Variants in COL4A2 observed in about 807,000 individuals in gnomAD.
The protein encoded by COL4A2 is collagen alpha-2(IV) chain.
A neutral mutation model predicts 200.2 loss-of-function variants in COL4A2; 99 were observed. The ratio of observed to expected loss-of-function variants is 0.49; its 90% confidence interval spans 0.42 to 0.58. The LOEUF (loss-of-function observed/expected upper bound fraction) is 0.58. COL4A2 is among the 20% of genes least tolerant of loss of function. COL4A2 has a pLI of 0.00. For synonymous variants in COL4A2, 897 were observed against 900.6 expected (o/e 1.00, Z 0.07); for missense variants, 1,950 against 2,314.1 (o/e 0.84, Z 3.23).
chr13:110,436,363 A>G lies in COL4A2; in HGVS notation c.821A>G (p.Tyr274Cys). The change falls in exon 13 of 48, where the codon TAC becomes TGC. Residue 274 changes from tyrosine to cysteine, a missense_variant. This residue lies in a region of COL4A2 where 565 missense variants were observed against 593.5 expected (regional missense o/e 0.95). Coordinates refer to ENST00000360467, the MANE Select transcript of COL4A2 (RefSeq NM_001846.4). ...GGAGTCACCTTCCACCCAGATCAGT[A>G]CAAGGTAAAGAGCAAAATTGACTCT... is the stretch of plus-strand genomic sequence containing the variant. ...PTGVTFHPDQ[Y>C]KGEKGSEGEP... 6.2e-7 allele frequency: 1 copy of G among 1,613,080 alleles called. No individual in the cohort carries two copies. The highest frequency in any genetic ancestry group is 2.2e-5 in the East Asian group (1 of 44,872).
chr13:110,437,894 G>T, intron 13 of COL4A2, 108 bp from the exon 14 acceptor site: 1 of 893,756 alleles, frequency 1.1e-6, no homozygotes, highest in Non-Finnish European at 1.9e-6. Flanking sequence ...TGATGATTGT[G>T]TGAGGATTGA....
intron 4 of COL4A2, among the ~76,000 whole-genome samples, chr13:110,410,896 G>T (rs1004658175): frequency 6.6e-6 from 1 of 152,260 alleles, no homozygotes; most frequent in East Asian, 1.9e-4. Context: ...CTTCTTGACT[G>T]CACGGGGCTC....
At chr13:110,340,024 G>A (rs983686860) in intron 3 of COL4A2, among the ~76,000 whole-genome samples, 4 of 152,234 alleles carry the variant, frequency 2.6e-5, no homozygotes, top group South Asian at 2.1e-4. Context: ...CTTGAGGGTG[G>A]GTGACAGGTA....
chr13:110,423,562 A>G (rs1880343279), intron 4 of COL4A2, among the ~76,000 whole-genome samples: 2 of 152,176 alleles, frequency 1.3e-5, no homozygotes, highest in Admixed American at 6.5e-5. Flanking sequence ...AAATAAATGC[A>G]TAACATCGAA....
rs1883976328 is a variant in COL4A2, at chr13:110,508,833, G to A, written c.4881+612G>A. Among the ~76,000 whole-genome samples the A allele has an allele frequency of 1.3e-5, 2 of 152,126 alleles. No individual in the cohort carries two copies. The highest frequency in any genetic ancestry group is 4.1e-4 in the South Asian group (2 of 4,824). On this transcript the variant is annotated intron_variant, in intron 47 of 47. Coordinates refer to ENST00000360467, the MANE Select transcript of COL4A2 (RefSeq NM_001846.4). This position sits in a 1 kb window ranked among gnomAD's most constrained non-coding sequence, Gnocchi z 6.1. ...GAACCCTCAGCTTTGGCCAGATTAG[G>A]TTTAGCTTAACCTCCAGGGGAGAGA...
chr13:110,421,620 A>G (rs986357934), intron 4 of COL4A2, among the ~76,000 whole-genome samples: 24 of 152,178 alleles, frequency 1.6e-4, no homozygotes, highest in African/African-American at 5.8e-4. Context: ...GGGTGAGGAA[A>G]ATGTTTGGGA....
intron 4 of COL4A2, among the ~76,000 whole-genome samples, chr13:110,397,942 G>A (rs1879237003): frequency 2.0e-5 from 3 of 152,210 alleles, no homozygotes. Context: ...TGCTTTAAGA[G>A]CAGCTGTATC....
chr13:110,456,887 TG>T (rs1156545478), intron 20 of COL4A2: 8 of 471,366 alleles, frequency 1.7e-5, no homozygotes, highest in Non-Finnish European at 3.0e-5. Flanking sequence ...CAGGCGTCCG[TG>T]GGGCTGATGC....
At chr13:110,337,789 CAT>C (rs1416015808) in intron 3 of COL4A2, among the ~76,000 whole-genome samples, 2 of 152,218 alleles carry the variant, frequency 1.3e-5, no homozygotes, top group Non-Finnish European at 2.9e-5. Flanking sequence ...GTCCCCAAGA[CAT>C]TTTTCAGGAC....
intron 47 of COL4A2, among the ~76,000 whole-genome samples, chr13:110,510,620 G>C (rs1198721368): frequency 8.5e-6 from 1 of 117,696 alleles, no homozygotes; most frequent in Non-Finnish European, 1.9e-5. Context: ...CATGCACTGT[G>C]TGTGTGTGTG....
intron 34 of COL4A2, among the ~76,000 whole-genome samples, chr13:110,488,343 A>T (rs1460794767): frequency 6.6e-6 from 1 of 152,180 alleles, no homozygotes; most frequent in Non-Finnish European, 1.5e-5. Context: ...TTAATACTGC[A>T]GCGACTCATG....
At chr13:110,368,583 C>T (rs533210442) in intron 4 of COL4A2, among the ~76,000 whole-genome samples, 15 of 152,160 alleles carry the variant, frequency 9.9e-5, no homozygotes, top group Admixed American at 5.2e-4. Context: ...AATGATTGCT[C>T]GTCTGGACAG....
At chr13:110,437,328 G>A (rs1251822805) in intron 13 of COL4A2, among the ~76,000 whole-genome samples, 1 of 152,184 alleles carries the variant, frequency 6.6e-6, no homozygotes, top group Non-Finnish European at 1.5e-5. Flanking sequence ...CCACGTGGAG[G>A]TGCTCAATCT....
At chr13:110,480,699 G>A (rs1263164372) in intron 31 of COL4A2, among the ~76,000 whole-genome samples, 1 of 152,260 alleles carries the variant, frequency 6.6e-6, no homozygotes, top group Non-Finnish European at 1.5e-5. Flanking sequence ...GGAAATTTGT[G>A]GAGAGGTCCA....
At chr13:110,472,044 C>T (rs1007273345) in intron 28 of COL4A2, among the ~76,000 whole-genome samples, 3 of 152,102 alleles carry the variant, frequency 2.0e-5, no homozygotes, top group Non-Finnish European at 4.4e-5. Flanking sequence ...TATCCAGTGG[C>T]ACCCACAAAA....
intron 4 of COL4A2, among the ~76,000 whole-genome samples, chr13:110,371,504 T>C (rs1170990314): frequency 6.6e-6 from 1 of 152,240 alleles, no homozygotes; most frequent in African/African-American, 2.4e-5. Context: ...ATTTTAGTTA[T>C]TTTTAGCACT....
Position 110,508,426 on chromosome 13 carries a change from C to A in COL4A2, c.4881+205C>A. 1.3e-6 allele frequency: 1 copy of A among 781,612 alleles called. No homozygotes were observed. The highest frequency in any genetic ancestry group is 2.0e-6 in the Non-Finnish European group (1 of 503,236). 48.4% of individuals were successfully genotyped at this position (781,612 alleles called of 1,614,324 possible). ...ATGCTGGGCACAGGGCTTCCTCCAC[C>A]CAGAAAGGGCTCATTAATTTGCCAC... On this transcript the variant is annotated intron_variant, in intron 47 of 47. Coordinates refer to ENST00000360467, the MANE Select transcript of COL4A2 (RefSeq NM_001846.4). The surrounding 1 kb of genome is among the most constrained non-coding windows in gnomAD (Gnocchi z 6.1).
chr13:110,348,354 T>C (rs917865907), intron 3 of COL4A2, among the ~76,000 whole-genome samples: 16 of 152,230 alleles, frequency 1.1e-4, no homozygotes, highest in African/African-American at 3.9e-4. Flanking sequence ...GGAAGCTGAA[T>C]TGGCTGGCTT....
chr13:110,470,105 G>A (rs1204160424), intron 28 of COL4A2, among the ~76,000 whole-genome samples: 2 of 151,858 alleles, frequency 1.3e-5, no homozygotes, highest in Non-Finnish European at 2.9e-5. Context: ...AGTAGAGACG[G>A]GGATTTCACC....
Sources: allele counts gnomAD v4.1 joint callset (sites outside exome capture counted in the v4.1 genomes callset), GRCh38; gene constraint gnomAD v4.1.1; regional missense constraint gnomAD v4.1.1; non-coding constraint Gnocchi (gnomAD v3.1); transcripts MANE v1.5; gene names NCBI Gene and HGNC (gene_info 2026-07-23, HGNC 2026-07-21).